Variants in CSNK1G1 observed in about 807,000 individuals in gnomAD.
The protein encoded by CSNK1G1 is casein kinase 1 gamma 1.
Under a neutral mutation model 59.6 loss-of-function variants are expected in CSNK1G1, and 22 were observed. That is an observed-to-expected ratio of 0.37 (90% confidence interval 0.26 to 0.53). CSNK1G1 has a LOEUF of 0.53. CSNK1G1 is among the 20% of genes least tolerant of loss of function. CSNK1G1 has a pLI of 0.89. For missense variants in CSNK1G1, 384 were observed against 519.5 expected (o/e 0.74, Z 2.54); for synonymous variants, 179 against 177.1 (o/e 1.01, Z -0.08).
At chr15:64,251,620 A>C in intron 3 of CSNK1G1, 39 bp from the exon 4 acceptor site, 1 of 1,452,746 alleles carries the variant, frequency 6.9e-7, no homozygotes, top group Non-Finnish European at 9.6e-7. Flanking sequence ...AGATTTAAAC[A>C]AATGGGATTT....
intron 2 of CSNK1G1, among the ~76,000 whole-genome samples, chr15:64,259,546 C>G (rs890406025): frequency 1.3e-5 from 2 of 150,932 alleles, no homozygotes; most frequent in African/African-American, 2.4e-5. Flanking sequence ...TAATATTTCC[C>G]AACTATTAAG....
intron 2 of CSNK1G1, among the ~76,000 whole-genome samples, chr15:64,271,776 C>G (rs1017357897): frequency 6.6e-6 from 1 of 152,112 alleles, no homozygotes; most frequent in African/African-American, 2.4e-5. Context: ...TCTGTAAGAT[C>G]CATTTGGTGC....
intron 2 of CSNK1G1, among the ~76,000 whole-genome samples, chr15:64,295,993 G>A (rs1041843534): frequency 2.0e-5 from 3 of 152,286 alleles, no homozygotes; most frequent in Middle Eastern, 3.4e-3. Flanking sequence ...ACAGTATCTA[G>A]TGATTGTGTA....
intron 1 of CSNK1G1, among the ~76,000 whole-genome samples, chr15:64,330,067 T>G (rs1897042019): frequency 7.1e-6 from 1 of 140,692 alleles, no homozygotes; most frequent in East Asian, 2.1e-4. Context: ...CAGGACCAGA[T>G]GGATTCACAG....
chr15:64,325,388 G>T (rs1896786734), intron 1 of CSNK1G1, among the ~76,000 whole-genome samples: 1 of 152,120 alleles, frequency 6.6e-6, no homozygotes, highest in Non-Finnish European at 1.5e-5. Context: ...ATTGGAGAAG[G>T]TATACAGGTG....
chr15:64,261,724 C>T (rs1353551620), intron 2 of CSNK1G1, among the ~76,000 whole-genome samples: 2 of 152,074 alleles, frequency 1.3e-5, no homozygotes, highest in East Asian at 1.9e-4. Flanking sequence ...GCAGGTGGCT[C>T]AAGAGGTCAG....
In CSNK1G1 at chr15:64,280,159, C is replaced by T. The variant is rs561364873; in HGVS notation, c.181+20160G>A. ...TTAAAAAGAAGTACACGTATATACG[C>T]GCGCACACACACACATAAAGGTTTC... On this transcript the variant is annotated intron_variant, in intron 2 of 11. Coordinates refer to ENST00000303052, the MANE Select transcript of CSNK1G1 (RefSeq NM_022048.5). Among the ~76,000 whole-genome samples, 14 of 152,196 alleles carry T rather than the reference C, an allele frequency of 9.2e-5. No individual in the cohort carries two copies. In the East Asian group the frequency reaches 2.1e-3, roughly 23 times the overall value.
chr15:64,352,447 C>CTTCTTTTTTTTTTTTTTTTTTTTT lies in CSNK1G1; in HGVS notation c.-225+3540_-225+3541insAAAAAAAAAAAAAAAAAAAAAGAA, dbSNP rs1566958699. Among the ~76,000 whole-genome samples, 113 of 89,422 alleles carry CTTCTTTTTTTTTTTTTTTTTTTTT rather than the reference C, an allele frequency of 1.3e-3. 1 individual carries two copies. The highest frequency in any genetic ancestry group is 2.0e-3 in the Non-Finnish European group (96 of 49,068). 58.7% of individuals were successfully genotyped at this position (89,422 alleles called of 152,430 possible). On this transcript the variant is annotated intron_variant, in intron 1 of 11. Transcript: ENST00000303052. ...ATCACAAAACATAATTTGAATTCTTCTTTTTTTTTTTTTTTTTTTGAGATG... is the reference window on the plus strand; with the variant it reads ...ATCACAAAACATAATTTGAATTCTTCTTCTTTTTTTTTTTTTTTTTTTTTTTTTTTTTTTTTTTTTTTTGAGATG...
chr15:64,266,812 TA>T (rs2140341887), intron 2 of CSNK1G1, among the ~76,000 whole-genome samples: 1 of 152,244 alleles, frequency 6.6e-6, no homozygotes, highest in East Asian at 1.9e-4. Context: ...TATTCACACA[TA>T]GAAGGAAGAA....
At chr15:64,326,878 G>A (rs1190919001) in intron 1 of CSNK1G1, among the ~76,000 whole-genome samples, 1 of 151,128 alleles carries the variant, frequency 6.6e-6, no homozygotes, top group Non-Finnish European at 1.5e-5. Context: ...CAAGGGGTCA[G>A]GGAGTTCCCT....
intron 10 of CSNK1G1, chr15:64,195,136 T>C (rs988231714): frequency 2.6e-5 from 4 of 152,248 alleles, no homozygotes; most frequent in African/African-American, 9.6e-5. Flanking sequence ...TACGCATCTC[T>C]TTTCACATGG....
At chr15:64,335,551 C>T (rs1259108265) in intron 1 of CSNK1G1, among the ~76,000 whole-genome samples, 2 of 152,192 alleles carry the variant, frequency 1.3e-5, no homozygotes, top group African/African-American at 4.8e-5. Context: ...TTAACTGCCT[C>T]ATCACTATCT....
chr15:64,259,483 T>TACAC (rs59936401), intron 2 of CSNK1G1, among the ~76,000 whole-genome samples: 11,778 of 139,664 alleles, frequency 0.084, 580 homozygotes, highest in African/African-American at 0.14. Context: ...AAATCTCTCT[T>TACAC]ACACACACAC....
At chr15:64,331,708 A>T (rs1382610578) in intron 1 of CSNK1G1, among the ~76,000 whole-genome samples, 2 of 136,938 alleles carry the variant, frequency 1.5e-5, no homozygotes, top group African/African-American at 5.5e-5. Context: ...GCTTCTGCAC[A>T]GCAAAAGAAA....
At chr15:64,287,273 C>T (rs1234397877) in intron 2 of CSNK1G1, among the ~76,000 whole-genome samples, 2 of 152,130 alleles carry the variant, frequency 1.3e-5, no homozygotes, top group African/African-American at 2.4e-5. Context: ...GCTAAAGTTC[C>T]TTATAAGTCT....
At chr15:64,253,873 C>G (rs1224684907) in intron 3 of CSNK1G1, among the ~76,000 whole-genome samples, 3 of 152,146 alleles carry the variant, frequency 2.0e-5, no homozygotes, top group Non-Finnish European at 2.9e-5. Context: ...GGCGCGGTGG[C>G]TCACGCCTGT....
In CSNK1G1 at chr15:64,192,029, G is replaced by T. The variant is rs554024135; in HGVS notation, c.1107+11053C>A. Among the ~76,000 whole-genome samples, 4 of 152,320 alleles carry T rather than the reference G, an allele frequency of 2.6e-5. No individual in the cohort carries two copies. In the South Asian group the frequency reaches 8.3e-4, roughly 32 times the overall value. On this transcript the variant is annotated intron_variant, in intron 10 of 11. Transcript: ENST00000303052. ...AGAAAGCTGACAACTACAGCAGTCT[G>T]CTAGTGTAACTCTCCAAGAAAGGTA...
chr15:64,286,320 G>GATATTGTTAACATGTTATTGTTAACA (rs566866724), intron 2 of CSNK1G1, among the ~76,000 whole-genome samples: 2,548 of 137,802 alleles, frequency 0.018, 69 homozygotes, highest in African/African-American at 0.04. Flanking sequence ...CCACTCTGCT[G>GATATTGTTAACATGTTATTGTTAACA]ATATTGTTAA....
intron 4 of CSNK1G1, among the ~76,000 whole-genome samples, chr15:64,241,197 A>C (rs2082689280): frequency 1.3e-5 from 2 of 152,226 alleles, no homozygotes; most frequent in African/African-American, 4.8e-5. Context: ...ACACAAATGG[A>C]AACCAAAAGC....
Sources: gnomAD v4.1 joint callset for allele counts (sites outside exome capture counted in the v4.1 genomes callset) on GRCh38, gnomAD v4.1.1 for gene constraint, MANE v1.5 for transcripts, NCBI Gene and HGNC (gene_info 2026-07-23, HGNC 2026-07-21) for gene names.